Variants in YEATS2 observed in about 807,000 individuals in gnomAD.
YEATS2 encodes the protein YEATS domain containing 2.
Under a neutral mutation model 163.2 loss-of-function variants are expected in YEATS2, and 77 were observed. The ratio of observed to expected loss-of-function variants is 0.47; its 90% CI spans 0.39 to 0.57. The LOEUF (loss-of-function observed/expected upper bound fraction) is 0.57, where lower values mean the gene tolerates loss of function less well. YEATS2 is among the 20% of genes least tolerant of loss of function. The pLI is 0.00. For synonymous variants in YEATS2, 631 were observed against 645.1 expected, an observed-to-expected ratio of 0.98 and a Z score of 0.33; for missense variants, 1,549 against 1,729.8, an observed-to-expected ratio of 0.90 and a Z score of 1.85.
chr3:183,800,599 C>G (rs769619138), intron 24 of YEATS2, 31 bp downstream of exon 24: 8 of 1,582,088 alleles, frequency 5.1e-6, no homozygotes, highest in Non-Finnish European at 6.1e-6. Flanking sequence ...TAAAGGAATT[C>G]CGCTTCGGGT....
chr3:183,790,656 T>A (rs1194530539), intron 20 of YEATS2, 141 bp from the exon 21 acceptor site: 14 of 857,840 alleles, frequency 1.6e-5, no homozygotes, highest in Non-Finnish European at 1.7e-6. Context: ...TAATCTTTTT[T>A]AAATGGTATG....
intron 1 of YEATS2, among the ~76,000 whole-genome samples, chr3:183,713,797 C>T (rs750508290): frequency 2.0e-5 from 3 of 152,224 alleles, no homozygotes; most frequent in Non-Finnish European, 2.9e-5. Context: ...CTACTAGCTA[C>T]GGTGACTCTC....
chr3:183,717,272 C>T (rs984383212), intron 2 of YEATS2, among the ~76,000 whole-genome samples: 2 of 152,128 alleles, frequency 1.3e-5, no homozygotes, highest in Non-Finnish European at 2.9e-5. Flanking sequence ...TGTCATATCT[C>T]TTTAGTCTCT....
At chr3:183,724,341 C>A in intron 5 of YEATS2, 78 bp from the exon 6 acceptor site, 1 of 1,086,060 alleles carries the variant, frequency 9.2e-7, no homozygotes, top group Non-Finnish European at 1.3e-6. Flanking sequence ...TCCATTTATA[C>A]TTTTTACAAT....
chr3:183,771,408 T>A (rs1208510117), intron 15 of YEATS2, among the ~76,000 whole-genome samples: 1 of 152,114 alleles, frequency 6.6e-6, no homozygotes, highest in African/African-American at 2.4e-5. Flanking sequence ...CATCCTACTG[T>A]TGACTTTGTT....
Position 183,736,840 on chromosome 3 carries a change from A to C in YEATS2, c.924+11A>C, listed in dbSNP as rs1246698708. ...ATACATAATCTGAAGGTATTGTAAC[A>C]AAACATTGCTCCCTAGTTTTGAAGT... On this transcript the variant is annotated intron_variant, in intron 8 of 30. Transcript: ENST00000305135. The C allele has an allele frequency of 1.2e-6, 2 of 1,603,864 alleles. No homozygotes were observed. The highest frequency in any genetic ancestry group is 3.4e-5 in the Admixed American group (2 of 58,938).
rs1482778045 is a variant in YEATS2, at chr3:183,716,135, A to G, written c.100+873A>G. Among the ~76,000 whole-genome samples the G allele has an allele frequency of 2.6e-5, 4 of 151,806 alleles. No homozygotes were observed. The East Asian group carries it at 5.8e-4, about 22-fold the overall frequency. Reference sequence around the variant, plus strand: ...CCACCACGCCTTGCTAATATTTTGTATTTTTAGTAGAGACGGGGTTTCACC... The same window carrying G: ...CCACCACGCCTTGCTAATATTTTGTGTTTTTAGTAGAGACGGGGTTTCACC... On this transcript the variant is annotated intron_variant, in intron 2 of 30. Coordinates refer to ENST00000305135, the MANE Select transcript of YEATS2 (RefSeq NM_018023.5).
At position 183,761,586 on chromosome 3, in the gene YEATS2, T is replaced by C. The variant is rs139367580; in HGVS notation, c.1736T>C (p.Ile579Thr). ...CCTAAGGTTCAAAGCCCCAAACCTATAACAGGAGGACTTGGAGCTTTCACA... is the reference window on the plus strand; with the variant it reads ...CCTAAGGTTCAAAGCCCCAAACCTACAACAGGAGGACTTGGAGCTTTCACA... ...SHPKVQSPKP[I>T]TGGLGAFTKV... The change falls in exon 14 of 31, where the codon ATA becomes ACA. Residue 579 changes from isoleucine (I) to threonine (T), a missense_variant. Coordinates refer to ENST00000305135, the MANE Select transcript of YEATS2 (RefSeq NM_018023.5). 7.4e-6 allele frequency: 12 copies of C among 1,614,158 alleles called. No individual in the cohort carries two copies. The African/African-American group carries it at 8.0e-5, about 11-fold the overall frequency.
chr3:183,758,342 GC>G (rs1720976714), intron 12 of YEATS2, among the ~76,000 whole-genome samples: 1 of 149,458 alleles, frequency 6.7e-6, no homozygotes, highest in Admixed American at 6.8e-5. Flanking sequence ...GGGTGACAGA[GC>G]GAGACTCCAT....
chr3:183,804,861 C>T lies in YEATS2; in HGVS notation c.3784+673C>T, dbSNP rs144764835. On this transcript the variant is annotated intron_variant, in intron 27 of 30. Coordinates refer to ENST00000305135, the MANE Select transcript of YEATS2 (RefSeq NM_018023.5). ...AAATTAGCTGGGCGTGGTGGCCGCA[C>T]GCCTGTGGTCCCAGCTACTTGGGAG... 6.2e-3 allele frequency among the ~76,000 whole-genome samples: 941 copies of T among 152,084 alleles called. 9 individuals carry two copies. The highest frequency in any genetic ancestry group is 0.022 in the African/African-American group (896 of 41,444).
intron 21 of YEATS2, among the ~76,000 whole-genome samples, 155 bp from the exon 22 acceptor site, chr3:183,797,768 A>C (rs1219045188): frequency 6.6e-6 from 1 of 152,212 alleles, no homozygotes; most frequent in African/African-American, 2.4e-5. Context: ...TGAAATCCAC[A>C]GCATCTGTTG....
intron 26 of YEATS2, 181 bp from the exon 27 acceptor site, chr3:183,803,806 T>C: frequency 1.6e-6 from 1 of 641,898 alleles, no homozygotes. Context: ...TGTTTTATTG[T>C]ATTAGCATTA....
At chr3:183,785,573 T>A (rs930669408) in intron 19 of YEATS2, among the ~76,000 whole-genome samples, 1 of 152,000 alleles carries the variant, frequency 6.6e-6, no homozygotes, top group East Asian at 1.9e-4. Context: ...GGAGGATCAC[T>A]TGAGCCCAGG....
rs1720496640 is a variant in YEATS2 at position 183,754,344 on chromosome 3, A to G, written c.1369A>G (p.Met457Val). The G allele has an allele frequency of 2.5e-6, 4 of 1,613,832 alleles. No individual in the cohort carries two copies. Among genetic ancestry groups the G allele is most frequent in the Non-Finnish European group, 2.5e-6 (3 of 1,179,760 alleles). ...SPGKSFQPIT[M>V]SCKIVSGSPI... The stretch of plus-strand genomic sequence containing the variant: ...TGGAAAATCCTTCCAGCCCATCACC[A>G]TGAGCTGCAAGATTGTGTCAGGTAT... Residue 457 changes from methionine (M) to valine (V), a missense_variant, in exon 11 of 31, where the codon ATG (methionine) becomes GTG (valine). Transcript: ENST00000305135.
At chr3:183,712,689 C>T (rs79198547) in intron 1 of YEATS2, among the ~76,000 whole-genome samples, 2,824 of 152,156 alleles carry the variant, frequency 0.019, 37 homozygotes, top group Non-Finnish European at 0.03. Flanking sequence ...ATCAATAGAT[C>T]CAGGCTGCGA....
intron 9 of YEATS2, among the ~76,000 whole-genome samples, chr3:183,751,305 C>G (rs1481972712): frequency 6.6e-6 from 1 of 152,172 alleles, no homozygotes; most frequent in Non-Finnish European, 1.5e-5. Flanking sequence ...TGTCTTTATG[C>G]CAGCAGCATA....
chr3:183,757,620 C>G (rs1187016047), intron 12 of YEATS2, among the ~76,000 whole-genome samples: 2 of 152,180 alleles, frequency 1.3e-5, no homozygotes, highest in Admixed American at 1.3e-4. Context: ...TAACTATAAA[C>G]TTCCCTGAAG....
In YEATS2 at chr3:183,762,228, C is replaced by G; in HGVS notation, c.1896C>G (p.Val632=). 1 of 1,613,252 alleles carries G rather than the reference C, an allele frequency of 6.2e-7. No individual in the cohort carries two copies. The highest frequency in any genetic ancestry group is 8.5e-7 in the Non-Finnish European group (1 of 1,179,292). ...HMIAVSPQKQ[V]ITPGEGIAQS... ...TAGCTGTGTCCCCTCAAAAACAGGTCATAACTCCTGGAGAAGGGATTGCCC... is the reference window on the plus strand; with the variant it reads ...TAGCTGTGTCCCCTCAAAAACAGGTGATAACTCCTGGAGAAGGGATTGCCC... The change falls in exon 15 of 31, where the codon GTC becomes GTG. Residue 632 remains valine, a synonymous_variant. Transcript: ENST00000305135.
chr3:183,752,688 A>G (rs1405256876), intron 10 of YEATS2, among the ~76,000 whole-genome samples: 13 of 148,706 alleles, frequency 8.7e-5, no homozygotes, highest in Admixed American at 2.7e-4. Flanking sequence ...CAGCCTGGAC[A>G]ACAGAGCGAG....
Sources: gnomAD v4.1 joint callset for allele counts (sites outside exome capture counted in the v4.1 genomes callset) on GRCh38, gnomAD v4.1.1 for gene constraint, MANE v1.5 for transcripts, NCBI Gene and HGNC (gene_info 2026-07-23, HGNC 2026-07-21) for gene names.